ZHX3: variants seen among roughly 807,000 people sequenced by gnomAD.
The protein encoded by ZHX3 is zinc fingers and homeoboxes 3.
Under a neutral mutation model 64.5 loss-of-function variants are expected in ZHX3, and 20 were observed. The ratio of observed to expected loss-of-function variants is 0.31; its 90% CI spans 0.22 to 0.45. The LOEUF (loss-of-function observed/expected upper bound fraction) is 0.45, where lower values mean the gene tolerates loss of function less well. Among genes scored for constraint, ZHX3 ranks in the 20% least tolerant of loss-of-function variants. ZHX3 has a pLI of 1.00. For synonymous variants in ZHX3, 423 were observed against 461.6 expected, an observed-to-expected ratio of 0.92 and a Z score of 1.07; for missense variants, 1,041 against 1,195.8, an observed-to-expected ratio of 0.87 and a Z score of 1.91.
At chr20:41,300,208 T>C (rs1436624500) in intron 1 of ZHX3, 1 of 152,282 alleles carries the variant, frequency 6.6e-6, no homozygotes, top group East Asian at 1.9e-4. Context: ...GGCTTTGGGA[T>C]GGGAGGGTAG....
intron 2 of ZHX3, among the ~76,000 whole-genome samples, chr20:41,263,478 T>C (rs553980507): frequency 7.3e-5 from 11 of 150,896 alleles, no homozygotes; most frequent in African/African-American, 2.7e-4. Flanking sequence ...CACTGCAACC[T>C]CTGCCTCCCG....
chr20:41,279,056 C>T (rs901844756), intron 1 of ZHX3, among the ~76,000 whole-genome samples: 2 of 152,280 alleles, frequency 1.3e-5, no homozygotes, highest in Admixed American at 1.3e-4. Flanking sequence ...GGATTCCAGA[C>T]GTGAGCCACT....
chr20:41,283,057 C>T (rs1043078933), intron 1 of ZHX3, among the ~76,000 whole-genome samples: 1 of 152,256 alleles, frequency 6.6e-6, no homozygotes, highest in African/African-American at 2.4e-5. Flanking sequence ...TACAGGCATA[C>T]CCCACCATGC....
intron 2 of ZHX3, among the ~76,000 whole-genome samples, chr20:41,265,679 A>AT (rs1301279954): frequency 6.6e-6 from 1 of 152,194 alleles, no homozygotes; most frequent in Non-Finnish European, 1.5e-5. Context: ...AGGGATTAGA[A>AT]TTTTATAAAG....
At chr20:41,190,552 T>C (rs2036929988) in intron 3 of ZHX3, among the ~76,000 whole-genome samples, 1 of 152,232 alleles carries the variant, frequency 6.6e-6, no homozygotes, top group African/African-American at 2.4e-5. Context: ...CTTTTTCTTT[T>C]GTTTGGCATT....
rs541760244 is a variant in ZHX3 at position 41,219,632 on chromosome 20, C to T, written c.-150-14566G>A. On this transcript the variant is annotated intron_variant, in intron 2 of 3. Transcript: ENST00000683867. This position sits in a 1 kb window ranked among gnomAD's most constrained non-coding sequence, Gnocchi z 5.0. The stretch of plus-strand genomic sequence containing the variant: ...TTGAGGACTTACTATGTGCTAGGCA[C>T]TGGGTATACAAGGATTTTTGAAAAG... 5.3e-5 allele frequency among the ~76,000 whole-genome samples: 8 copies of T among 152,344 alleles called. No individual in the cohort carries two copies. In the South Asian group the frequency reaches 1.7e-3, roughly 32 times the overall value.
intron 2 of ZHX3, among the ~76,000 whole-genome samples, chr20:41,236,266 A>T (rs1316879287): frequency 6.6e-6 from 1 of 152,232 alleles, no homozygotes; most frequent in African/African-American, 2.4e-5. Context: ...AATTGGAAAA[A>T]ACTACTTTAA....
At chr20:41,245,195 T>C (rs1246064319) in intron 2 of ZHX3, among the ~76,000 whole-genome samples, 3 of 152,170 alleles carry the variant, frequency 2.0e-5, no homozygotes, top group Non-Finnish European at 4.4e-5. Context: ...GTAATACCTA[T>C]ATATGAAGTG....
At chr20:41,310,388 T>C (rs2045095772) in intron 1 of ZHX3, among the ~76,000 whole-genome samples, 1 of 152,180 alleles carries the variant, frequency 6.6e-6, no homozygotes, top group African/African-American at 2.4e-5. Flanking sequence ...CTCACCTCTA[T>C]TTCACAGAGA....
chr20:41,266,844 CTTTTTT>C (rs11327834), intron 2 of ZHX3, among the ~76,000 whole-genome samples: 5 of 76,464 alleles, frequency 6.5e-5, no homozygotes, highest in African/African-American at 2.1e-4. Flanking sequence ...CGTGCCCGGC[CTTTTTT>C]TTTTTTTTTT....
In ZHX3 at chr20:41,232,277, T is replaced by A. The variant is rs968197403; in HGVS notation, c.-150-27211A>T. Among the ~76,000 whole-genome samples, 59 of 151,612 alleles carry A rather than the reference T, an allele frequency of 3.9e-4. No individual in the cohort carries two copies. The highest frequency in any genetic ancestry group is 1.4e-3 in the African/African-American group (58 of 41,218). On this transcript the variant is annotated intron_variant, in intron 2 of 3. Coordinates refer to ENST00000683867, the MANE Select transcript of ZHX3 (RefSeq NM_001384317.1). The surrounding 1 kb of genome is among the most constrained non-coding windows in gnomAD (Gnocchi z 5.0). ...CAGAGAAAGAATATTGAAAATGGAC[T>A]TACGCTGCAGCATAAAAAAAAAAAA...
At chr20:41,207,730 C>G (rs1377053521) in intron 2 of ZHX3, among the ~76,000 whole-genome samples, 1 of 152,202 alleles carries the variant, frequency 6.6e-6, no homozygotes, top group Non-Finnish European at 1.5e-5. Flanking sequence ...TAAATGCCCA[C>G]AAGAGAAAGC....
intron 2 of ZHX3, among the ~76,000 whole-genome samples, chr20:41,218,548 G>A (rs988665054): frequency 6.6e-6 from 1 of 152,156 alleles, no homozygotes; most frequent in Non-Finnish European, 1.5e-5. Context: ...GGTCTGTATT[G>A]CTTACTCTTA....
In ZHX3 at chr20:41,256,265, C is replaced by T. The variant is rs535563675; in HGVS notation, c.-151+12725G>A. Among the ~76,000 whole-genome samples the T allele has an allele frequency of 6.1e-4, 93 of 152,186 alleles. 2 individuals are homozygous for T. The South Asian group carries it at 0.019, about 32-fold the overall frequency. ...GAGGACAGGGACCATGACTGTCTTGCTTACTGCTATGTTTTTAGGGTGTAA... is the reference window on the plus strand; with the variant it reads ...GAGGACAGGGACCATGACTGTCTTGTTTACTGCTATGTTTTTAGGGTGTAA... On this transcript the variant is annotated intron_variant, in intron 2 of 3. Coordinates refer to ENST00000683867, the MANE Select transcript of ZHX3 (RefSeq NM_001384317.1).
chr20:41,213,242 A>G (rs1445094544), intron 2 of ZHX3, among the ~76,000 whole-genome samples: 5 of 152,190 alleles, frequency 3.3e-5, no homozygotes, highest in Non-Finnish European at 7.4e-5. Context: ...TCACCAGGCA[A>G]TGAAAATTGT....
chr20:41,312,456 C>T (rs1468656205), intron 1 of ZHX3, among the ~76,000 whole-genome samples: 2 of 152,208 alleles, frequency 1.3e-5, no homozygotes, highest in Non-Finnish European at 2.9e-5. Context: ...TCTTTAAGAG[C>T]TGTAACACTC....
Position 41,268,722 on chromosome 20 carries a change from G to C in ZHX3, c.-151+268C>G, listed in dbSNP as rs1011132249. ...ACAGGATACTCTTATGATCTCAATG[G>C]TCAACCTATAACAGATTCCTATCAG... is the stretch of plus-strand genomic sequence containing the variant. On this transcript the variant is annotated intron_variant, in intron 2 of 3. Coordinates refer to ENST00000683867, the MANE Select transcript of ZHX3 (RefSeq NM_001384317.1). 5.3e-5 allele frequency among the ~76,000 whole-genome samples: 8 copies of C among 152,252 alleles called. No individual in the cohort carries two copies. The East Asian group carries it at 1.3e-3, about 26-fold the overall frequency.
chr20:41,247,096 A>T (rs2041739637), intron 2 of ZHX3, among the ~76,000 whole-genome samples: 2 of 152,090 alleles, frequency 1.3e-5, no homozygotes, highest in South Asian at 4.1e-4. Context: ...CCTTGTCTCT[A>T]CAAAAATACA....
chr20:41,258,627 T>C (rs1229413599), intron 2 of ZHX3, among the ~76,000 whole-genome samples: 2 of 152,218 alleles, frequency 1.3e-5, no homozygotes, highest in African/African-American at 4.8e-5. Flanking sequence ...TATGCATTCT[T>C]GGCAAAAATA....
Sources: gnomAD v4.1 joint callset for allele counts (sites outside exome capture counted in the v4.1 genomes callset) on GRCh38, gnomAD v4.1.1 for gene constraint, Gnocchi (gnomAD v3.1) non-coding constraint, MANE v1.5 for transcripts, NCBI Gene and HGNC (gene_info 2026-07-23, HGNC 2026-07-21) for gene names.